The following PTPN13 variants were observed in gnomAD, a reference collection of about 807,000 sequenced individuals.
PTPN13 encodes the protein protein tyrosine phosphatase non-receptor type 13.
In PTPN13, 191 loss-of-function variants were observed where a neutral mutation model predicts 284.0. The ratio of observed to expected loss-of-function variants is 0.67; its 90% CI spans 0.60 to 0.76. PTPN13 has a LOEUF of 0.76. PTPN13 is among the 30% of genes least tolerant of loss of function. PTPN13 has a pLI of 0.00. For synonymous variants in PTPN13, 986 were observed against 1,022.3 expected (o/e 0.96, Z 0.68); for missense variants, 2,797 against 2,939.9 (o/e 0.95, Z 1.12).
At chr4:86,688,684 T>G (rs1420232176) in intron 4 of PTPN13, among the ~76,000 whole-genome samples, 1 of 152,158 alleles carries the variant, frequency 6.6e-6, no homozygotes, top group Admixed American at 6.6e-5. Flanking sequence ...TATGTTTGTG[T>G]GTGCGTGTGT....
chr4:86,621,278 C>T (rs1721208412), intron 1 of PTPN13, among the ~76,000 whole-genome samples: 1 of 152,156 alleles, frequency 6.6e-6, no homozygotes, highest in South Asian at 2.1e-4. Flanking sequence ...TTTTTTATCT[C>T]CATTTAAAGA....
Position 86,716,556 on chromosome 4 carries a change from C to T in PTPN13, c.1222C>T (p.His408Tyr). ...ACCAGTTCGAAGATACAAAACTTAT[C>T]ATGGTGATGTCTTTAGTACCTCCAG... ...EEPVRRYKTY[H>Y]GDVFSTSSES... Residue 408 changes from histidine (H) to tyrosine (Y), a missense_variant, in exon 8 of 48, where the codon CAT becomes TAT. Transcript: ENST00000411767. 2 of 1,592,838 alleles carry T rather than the reference C, an allele frequency of 1.3e-6. No individual in the cohort carries two copies. Among genetic ancestry groups the T allele is most frequent in the Non-Finnish European group, 1.7e-6 (2 of 1,170,400 alleles).
intron 46 of PTPN13, among the ~76,000 whole-genome samples, chr4:86,810,756 T>C (rs1745133793): frequency 6.6e-6 from 1 of 152,200 alleles, no homozygotes; most frequent in Admixed American, 6.5e-5. Flanking sequence ...CCTTTTTAAA[T>C]TGTAATATTA....
intron 1 of PTPN13, among the ~76,000 whole-genome samples, chr4:86,606,461 T>C (rs1764748487): frequency 6.6e-6 from 1 of 151,884 alleles, no homozygotes; most frequent in Non-Finnish European, 1.5e-5. Context: ...TTAAAATTAA[T>C]TGTAAGTGCT....
chr4:86,737,831 A>G lies in PTPN13; in HGVS notation c.2304+2085A>G, dbSNP rs748974192. On this transcript the variant is annotated intron_variant, in intron 15 of 47. Transcript: ENST00000411767. Reference sequence around the variant, plus strand: ...TGCAACCTCTGCCTCCCGGGTTCAAACATTCTCCTGCCTCAGCCTCTCAAG... The same window carrying G: ...TGCAACCTCTGCCTCCCGGGTTCAAGCATTCTCCTGCCTCAGCCTCTCAAG... Among the ~76,000 whole-genome samples the G allele has an allele frequency of 7.9e-5, 12 of 152,060 alleles. No homozygotes were observed. In the Middle Eastern group the frequency reaches 0.014, roughly 172 times the overall value.
intron 12 of PTPN13, among the ~76,000 whole-genome samples, chr4:86,733,799 A>G (rs1301428188): frequency 6.6e-6 from 1 of 152,184 alleles, no homozygotes; most frequent in Non-Finnish European, 1.5e-5. Flanking sequence ...TAGTTAACTA[A>G]TGACATTAAA....
Position 86,771,282 on chromosome 4 carries a change from A to G in PTPN13, c.4915A>G (p.Ser1639Gly). ...AGATGAAAATGAAATGTCAGACAAAAGCAAAAAACAGTGCAAGTCCCCATC... is the reference window on the plus strand; with the variant it reads ...AGATGAAAATGAAATGTCAGACAAAGGCAAAAAACAGTGCAAGTCCCCATC... ...SSDENEMSDK[S>G]KKQCKSPSRR... Residue 1639 changes from serine to glycine, a missense_variant, in exon 31 of 48, where the codon AGC becomes GGC. Physicochemically the swap from Ser to Gly is moderately conservative, Grantham distance 56. Transcript: ENST00000411767. The G allele has an allele frequency of 6.2e-7, 1 of 1,606,054 alleles. No individual in the cohort carries two copies. The highest frequency in any genetic ancestry group is 1.1e-5 in the South Asian group (1 of 89,138).
chr4:86,793,359 C>A (rs1380777259), intron 40 of PTPN13, among the ~76,000 whole-genome samples: 1 of 152,126 alleles, frequency 6.6e-6, no homozygotes, highest in East Asian at 1.9e-4. Context: ...TAAAGCAAAT[C>A]TTTAGAGACC....
chr4:86,775,316 C>T lies in PTPN13; in HGVS notation c.5654C>T (p.Thr1885Ile), dbSNP rs1253789937. The T allele has an allele frequency of 6.2e-7, 1 of 1,612,080 alleles. No individual in the cohort carries two copies. The highest frequency in any genetic ancestry group is 1.7e-5 in the Admixed American group (1 of 59,698). Residue 1885 changes from threonine to isoleucine, a missense_variant, in exon 34 of 48, where the codon ACA becomes ATA. By Grantham distance (89) the Thr-to-Ile change is moderately conservative. Coordinates refer to ENST00000411767, the MANE Select transcript of PTPN13 (RefSeq NM_080683.3). ...PMLPHLLPDI[T>I]LTCNKEELGF... Reference sequence around the variant, plus strand: ...TTGCCTCATTTGCTACCGGACATAACACTAACGTGCAACAAAGAGGAGTTG... The same window carrying T: ...TTGCCTCATTTGCTACCGGACATAATACTAACGTGCAACAAAGAGGAGTTG...
chr4:86,780,916 A>G (rs1429022913), intron 36 of PTPN13, among the ~76,000 whole-genome samples: 2 of 152,224 alleles, frequency 1.3e-5, no homozygotes, highest in Admixed American at 1.3e-4. Flanking sequence ...TAGACAATGC[A>G]AATTATAGTG....
intron 2 of PTPN13, among the ~76,000 whole-genome samples, chr4:86,637,234 G>A (rs1174459652): frequency 6.6e-6 from 1 of 151,066 alleles, no homozygotes; most frequent in Non-Finnish European, 1.5e-5. Flanking sequence ...ATTCACAGCC[G>A]AATTCTACCA....
intron 31 of PTPN13, 105 bp downstream of exon 31, chr4:86,771,640 T>C: frequency 8.2e-7 from 1 of 1,225,238 alleles, no homozygotes; most frequent in Non-Finnish European, 1.1e-6. Flanking sequence ...ATCTGTGACC[T>C]TCACAGTGGT....
intron 2 of PTPN13, among the ~76,000 whole-genome samples, chr4:86,638,823 G>A (rs1042679632): frequency 3.3e-5 from 5 of 152,098 alleles, no homozygotes; most frequent in African/African-American, 1.2e-4. Context: ...AGCCAAAATT[G>A]ACAAATGGGA....
chr4:86,784,285 G>A (rs1741658228), intron 37 of PTPN13, among the ~76,000 whole-genome samples, 180 bp from the exon 38 acceptor site: 2 of 152,090 alleles, frequency 1.3e-5, no homozygotes, highest in East Asian at 3.8e-4. Flanking sequence ...ATGATGGGAA[G>A]CCCCATGCCC....
chr4:86,736,121 T>C (rs561785894), intron 15 of PTPN13, among the ~76,000 whole-genome samples: 119 of 152,304 alleles, frequency 7.8e-4, no homozygotes, highest in African/African-American at 2.8e-3. Context: ...TTGTTTGTTT[T>C]GCTTTTTCTC....
intron 25 of PTPN13, among the ~76,000 whole-genome samples, 172 bp downstream of exon 25, chr4:86,764,896 T>C (rs1739115328): frequency 6.6e-6 from 1 of 152,214 alleles, no homozygotes; most frequent in African/African-American, 2.4e-5. Flanking sequence ...GTTAGTCACT[T>C]TTTCCTGTGA....
At position 86,785,886 on chromosome 4, in the gene PTPN13, A is replaced by G; in HGVS notation, c.6295A>G (p.Thr2099Ala). 6.4e-7 allele frequency: 1 copy of G among 1,569,142 alleles called. No homozygotes were observed. Among genetic ancestry groups the G allele is most frequent in the Non-Finnish European group, 8.7e-7 (1 of 1,154,972 alleles). ...GAATGGGAAGTTATCAGAAGAGAGA[A>G]CAGAAGATACAGACTGCGATGGTTC... ...KMNGKLSEERTEDTDCDGSPL... is the reference protein window; with the variant it reads ...KMNGKLSEERAEDTDCDGSPL... The change falls in exon 40 of 48, where the codon ACA (threonine) becomes GCA (alanine). Residue 2099 changes from threonine to alanine, a missense_variant. Coordinates refer to ENST00000411767, the MANE Select transcript of PTPN13 (RefSeq NM_080683.3).
chr4:86,786,528 A>C (rs1206083365), intron 40 of PTPN13, among the ~76,000 whole-genome samples: 1 of 152,198 alleles, frequency 6.6e-6, no homozygotes, highest in African/African-American at 2.4e-5. Context: ...CTTACGGCTG[A>C]TAAGTATGTA....
intron 1 of PTPN13, among the ~76,000 whole-genome samples, chr4:86,631,915 G>A (rs1722511610): frequency 6.6e-6 from 1 of 152,060 alleles, no homozygotes; most frequent in Admixed American, 6.6e-5. Flanking sequence ...AACCTAGTCT[G>A]TCTCTTGTGC....
Sources: gnomAD v4.1 joint callset for allele counts (sites outside exome capture counted in the v4.1 genomes callset) on GRCh38, gnomAD v4.1.1 for gene constraint, MANE v1.5 for transcripts, NCBI Gene and HGNC (gene_info 2026-07-23, HGNC 2026-07-21) for gene names.